CPNE4: variants seen among roughly 807,000 people sequenced by gnomAD.
CPNE4 encodes copine 4, also known as copine-4.
A neutral mutation model predicts 67.9 loss-of-function variants in CPNE4; 25 were observed. The ratio of observed to expected loss-of-function variants is 0.37; its 90% CI spans 0.27 to 0.51. The LOEUF is 0.51. Ranked by LOEUF, CPNE4 falls within the 20% of genes least tolerant of loss-of-function variation. The pLI, the probability that CPNE4 is intolerant of heterozygous loss-of-function variation, is 0.93. For synonymous variants in CPNE4, 242 were observed against 244.9 expected, an observed-to-expected ratio of 0.99 and a Z score of 0.11; for missense variants, 464 against 690.8, an observed-to-expected ratio of 0.67 and a Z score of 3.68.
chr3:131,861,692 C>A (rs1303032317), intron 2 of CPNE4, among the ~76,000 whole-genome samples: 1 of 152,138 alleles, frequency 6.6e-6, no homozygotes, highest in African/African-American at 2.4e-5. Context: ...CTCGGCCTCA[C>A]AAAGTGCTGG....
At chr3:131,654,711 C>T (rs1299528414) in intron 7 of CPNE4, among the ~76,000 whole-genome samples, 1 of 152,208 alleles carries the variant, frequency 6.6e-6, no homozygotes, top group Non-Finnish European at 1.5e-5. Flanking sequence ...AATTTTCACC[C>T]TTAAATCCCA....
At chr3:131,824,383 C>G (rs1391432652) in intron 2 of CPNE4, among the ~76,000 whole-genome samples, 1 of 152,162 alleles carries the variant, frequency 6.6e-6, no homozygotes, top group Non-Finnish European at 1.5e-5. Flanking sequence ...CCATGCCCAG[C>G]TTACCAGGGG....
chr3:131,904,506 T>C (rs770681450), intron 2 of CPNE4, among the ~76,000 whole-genome samples: 3 of 152,050 alleles, frequency 2.0e-5, no homozygotes, highest in African/African-American at 7.2e-5. Flanking sequence ...AGTTTATGTT[T>C]CTCTATAGAT....
chr3:131,698,909 C>CAAAAAA (rs750798265), intron 4 of CPNE4, among the ~76,000 whole-genome samples: 2 of 87,054 alleles, frequency 2.3e-5, no homozygotes, highest in African/African-American at 4.8e-5. Flanking sequence ...GACACTGTCT[C>CAAAAAA]AAAAAAAAAA....
chr3:131,726,332 A>G (rs1245295328), intron 2 of CPNE4, among the ~76,000 whole-genome samples: 1 of 152,224 alleles, frequency 6.6e-6, no homozygotes, highest in Non-Finnish European at 1.5e-5. Flanking sequence ...GTAAGCTGCC[A>G]GCACTGAGTG....
intron 1 of CPNE4, among the ~76,000 whole-genome samples, chr3:131,924,203 C>T (rs954242968): frequency 1.3e-5 from 2 of 152,200 alleles, no homozygotes; most frequent in Non-Finnish European, 2.9e-5. Flanking sequence ...TCCCTTACAG[C>T]TGCTAAGTCC....
chr3:131,699,899 G>A lies in CPNE4; in HGVS notation c.432+10C>T, dbSNP rs1433990901. On this transcript the variant is annotated intron_variant, in intron 4 of 15. Coordinates refer to ENST00000429747, the MANE Select transcript of CPNE4 (RefSeq NM_130808.3). ...TCAGGCAGACAGCTGCTTAGGGAGT[G>A]CCTGCTTACCGTGATGGAAGATTTC... The A allele has an allele frequency of 1.9e-6, 3 of 1,611,856 alleles. No homozygotes were observed. The highest frequency in any genetic ancestry group is 2.5e-6 in the Non-Finnish European group (3 of 1,178,452).
chr3:132,016,494 G>A (rs918302891), intron 1 of CPNE4, among the ~76,000 whole-genome samples: 3 of 152,208 alleles, frequency 2.0e-5, no homozygotes, highest in Non-Finnish European at 4.4e-5. Context: ...CAGCTGAAGA[G>A]AAATGGCATT....
intron 2 of CPNE4, among the ~76,000 whole-genome samples, chr3:131,850,603 T>C (rs1218741045): frequency 6.6e-6 from 1 of 152,166 alleles, no homozygotes; most frequent in African/African-American, 2.4e-5. Flanking sequence ...CATTTAGGTA[T>C]GTAACTAAGA....
At chr3:131,785,228 ATTAAGTAAT>A (rs2083526096) in intron 2 of CPNE4, among the ~76,000 whole-genome samples, 1 of 152,056 alleles carries the variant, frequency 6.6e-6, no homozygotes, top group South Asian at 2.1e-4. Flanking sequence ...GCTTAGGGAG[ATTAAGTAAT>A]TTAACTCTTC....
chr3:131,963,101 G>T (rs2072232156), intron 1 of CPNE4, among the ~76,000 whole-genome samples: 1 of 152,066 alleles, frequency 6.6e-6, no homozygotes, highest in African/African-American at 2.4e-5. Context: ...CCCATGTAGG[G>T]CAAGCAGAAG....
At chr3:131,624,812 T>C (rs1488918305) in intron 7 of CPNE4, among the ~76,000 whole-genome samples, 1 of 152,224 alleles carries the variant, frequency 6.6e-6, no homozygotes, top group Non-Finnish European at 1.5e-5. Flanking sequence ...TACACTCACA[T>C]AGCACTTTAC....
chr3:131,935,523 G>C (rs982914623), intron 1 of CPNE4, among the ~76,000 whole-genome samples: 1 of 152,018 alleles, frequency 6.6e-6, no homozygotes, highest in Non-Finnish European at 1.5e-5. Flanking sequence ...TGCTAAAGAA[G>C]GCAAGGAGCC....
At chr3:131,926,298 A>T (rs1359212037) in intron 1 of CPNE4, among the ~76,000 whole-genome samples, 1 of 152,192 alleles carries the variant, frequency 6.6e-6, no homozygotes, top group Non-Finnish European at 1.5e-5. Context: ...TTAGCCTGTG[A>T]CAAGCATTGT....
chr3:131,574,814 T>C (rs1389306001), intron 10 of CPNE4, among the ~76,000 whole-genome samples: 2 of 152,132 alleles, frequency 1.3e-5, no homozygotes, highest in Non-Finnish European at 2.9e-5. Context: ...TGGGAAGCGT[T>C]AGGAGGATTT....
intron 6 of CPNE4, among the ~76,000 whole-genome samples, chr3:131,682,153 G>A (rs1385481372): frequency 6.6e-6 from 1 of 151,984 alleles, no homozygotes; most frequent in Non-Finnish European, 1.5e-5. Flanking sequence ...TAGTTTGTTT[G>A]TTGAGGGCAT....
chr3:131,549,239 A>G (rs1361732710), intron 14 of CPNE4, among the ~76,000 whole-genome samples: 1 of 152,168 alleles, frequency 6.6e-6, no homozygotes, highest in Non-Finnish European at 1.5e-5. Context: ...GTAAGAAGAT[A>G]AGGGAGTAGT....
intron 14 of CPNE4, among the ~76,000 whole-genome samples, chr3:131,544,555 T>C (rs1197214015): frequency 6.6e-6 from 1 of 152,218 alleles, no homozygotes; most frequent in African/African-American, 2.4e-5. Context: ...GTATGTTTCC[T>C]TCTATGTCTG....
intron 2 of CPNE4, among the ~76,000 whole-genome samples, chr3:131,782,091 A>G (rs1387463602): frequency 6.6e-6 from 1 of 152,086 alleles, no homozygotes; most frequent in African/African-American, 2.4e-5. Flanking sequence ...CACTACTTTT[A>G]TATTTCTGCC....
Sources: allele counts gnomAD v4.1 joint callset (sites outside exome capture counted in the v4.1 genomes callset), GRCh38; gene constraint gnomAD v4.1.1; transcripts MANE v1.5; gene names NCBI Gene and HGNC (gene_info 2026-07-23, HGNC 2026-07-21).